Variants in DLGAP2 observed in about 807,000 individuals in gnomAD.
The protein encoded by DLGAP2 is DLG associated protein 2, also known as disks large-associated protein 2.
DLGAP2 carries 26 observed loss-of-function variants against 100.3 expected under a neutral mutation model. The ratio of observed to expected loss-of-function variants is 0.26; its 90% CI spans 0.19 to 0.36. The LOEUF is 0.36. Among genes scored for constraint, DLGAP2 ranks in the 10% least tolerant of loss-of-function variants. The pLI is 1.00. For missense variants in DLGAP2, 1,858 were observed against 1,453.2 expected, an observed-to-expected ratio of 1.28 and a Z score of -4.53; for synonymous variants, 886 against 630.1, an observed-to-expected ratio of 1.41 and a Z score of -6.08.
chr8:1,697,034 C>T (rs1799415609), intron 13 of DLGAP2, 113 bp from the exon 14 acceptor site: 1 of 1,171,782 alleles, frequency 8.5e-7, no homozygotes, highest in East Asian at 2.9e-5. Flanking sequence ...TGGAATTAGC[C>T]AGGCTTCTCC....
At position 1,631,285 on chromosome 8, in the gene DLGAP2, C is replaced by T. The variant is rs535797570; in HGVS notation, c.1591-1542C>T. Among the ~76,000 whole-genome samples, 51 of 152,074 alleles carry T rather than the reference C, an allele frequency of 3.4e-4. No individual in the cohort carries two copies. In the South Asian group the frequency reaches 9.8e-3, roughly 29 times the overall value. On this transcript the variant is annotated intron_variant, in intron 7 of 14. Coordinates refer to ENST00000637795, the MANE Select transcript of DLGAP2 (RefSeq NM_001346810.2). Reference sequence around the variant, plus strand: ...GTTAATGGTGTCTCTTCTTTAGGAGCGAGGGCAGCTGGGCCCTGGGTCGGG... The same window carrying T: ...GTTAATGGTGTCTCTTCTTTAGGAGTGAGGGCAGCTGGGCCCTGGGTCGGG...
chr8:743,192 C>T (rs1035298272), intron 1 of DLGAP2, among the ~76,000 whole-genome samples: 11 of 152,134 alleles, frequency 7.2e-5, no homozygotes, highest in African/African-American at 1.4e-4. Context: ...AATAGAAAAT[C>T]GGAAGAAACA....
chr8:1,557,444 G>A (rs539874888), intron 5 of DLGAP2, among the ~76,000 whole-genome samples: 2 of 152,238 alleles, frequency 1.3e-5, no homozygotes, highest in South Asian at 4.2e-4. Flanking sequence ...GAGGACACAG[G>A]ATGGGGCAGA....
At chr8:966,088 C>T (rs1457082988) in intron 2 of DLGAP2, among the ~76,000 whole-genome samples, 1 of 152,228 alleles carries the variant, frequency 6.6e-6, no homozygotes, top group African/African-American at 2.4e-5. Context: ...GCCAGACTCC[C>T]TGATGAGGTC....
intron 5 of DLGAP2, 79 bp from the exon 6 acceptor site, chr8:1,565,604 G>T (rs1802365474): frequency 8.9e-7 from 1 of 1,121,268 alleles, no homozygotes; most frequent in African/African-American, 1.6e-5. Context: ...AATTGTAGAG[G>T]ATTTGTTTCC....
At chr8:1,088,097 G>A (rs1180031727) in intron 2 of DLGAP2, among the ~76,000 whole-genome samples, 2 of 152,254 alleles carry the variant, frequency 1.3e-5, no homozygotes, top group African/African-American at 4.8e-5. Flanking sequence ...CCCCACAGGG[G>A]ATGTCTGCTT....
intron 2 of DLGAP2, among the ~76,000 whole-genome samples, chr8:1,196,602 T>A (rs1218135956): frequency 6.6e-6 from 1 of 152,238 alleles, no homozygotes; most frequent in African/African-American, 2.4e-5. Flanking sequence ...ACAGCACTTG[T>A]GCAGAGGCAT....
Position 947,112 on chromosome 8 carries a change from C to T in DLGAP2, c.73+39146C>T, listed in dbSNP as rs376619957. Among the ~76,000 whole-genome samples the T allele has an allele frequency of 7.4e-4, 112 of 152,242 alleles. 1 individual carries two copies. In the South Asian group the frequency reaches 0.022, roughly 30 times the overall value. ...GGGATGGCATCCCTGGCTCCGGGTG[C>T]GCCCGCATCTGCCAGGAAGACTGTC... is the stretch of plus-strand genomic sequence containing the variant. On this transcript the variant is annotated intron_variant, in intron 2 of 14. Coordinates refer to ENST00000637795, the MANE Select transcript of DLGAP2 (RefSeq NM_001346810.2).
At chr8:1,115,630 A>C (rs913350317) in intron 2 of DLGAP2, among the ~76,000 whole-genome samples, 1 of 152,184 alleles carries the variant, frequency 6.6e-6, no homozygotes, top group Admixed American at 6.5e-5. Context: ...TCTTGTAGGC[A>C]GTGGTAAAAT....
chr8:1,440,109 G>C (rs1797784269), intron 3 of DLGAP2, among the ~76,000 whole-genome samples: 1 of 152,110 alleles, frequency 6.6e-6, no homozygotes, highest in African/African-American at 2.4e-5. Context: ...AAGCAGAAAT[G>C]TGAGATTTTA....
chr8:1,516,229 G>T (rs1800372827), intron 4 of DLGAP2, among the ~76,000 whole-genome samples: 1 of 152,006 alleles, frequency 6.6e-6, no homozygotes, highest in South Asian at 2.1e-4. Context: ...GTGAGTGAAT[G>T]AGTGAGTTAC....
At position 1,548,989 on chromosome 8, in the gene DLGAP2, C is replaced by G; in HGVS notation, c.536C>G (p.Ala179Gly). 1 of 1,598,894 alleles carries G rather than the reference C, an allele frequency of 6.3e-7. No homozygotes were observed. The highest frequency in any genetic ancestry group is 8.5e-7 in the Non-Finnish European group (1 of 1,179,076). The change falls in exon 5 of 15, where the codon GCC becomes GGC. Residue 179 changes from alanine (A) to glycine (G), a missense_variant. Transcript: ENST00000637795. ...GACACGCGCGACGACTGCGCTGTGG[C>G]CCACGCGGGCGCCAAGATCAACCGC... ...HYDTRDDCAVAHAGAKINRIP... is the reference protein window; with the variant it reads ...HYDTRDDCAVGHAGAKINRIP...
chr8:792,476 G>A (rs373288036), intron 1 of DLGAP2, among the ~76,000 whole-genome samples: 7 of 152,130 alleles, frequency 4.6e-5, no homozygotes, highest in East Asian at 1.9e-4. Context: ...TAATAAAAAC[G>A]GTTCTAATGT....
chr8:1,458,032 A>G (rs949439743), intron 3 of DLGAP2, among the ~76,000 whole-genome samples: 6 of 141,680 alleles, frequency 4.2e-5, no homozygotes, highest in African/African-American at 1.5e-4. Context: ...ATATGTGTGT[A>G]TATATAATTA....
intron 3 of DLGAP2, among the ~76,000 whole-genome samples, chr8:1,417,638 G>A (rs1034767091): frequency 2.0e-5 from 3 of 148,388 alleles, no homozygotes; most frequent in Non-Finnish European, 3.0e-5. Flanking sequence ...CCTCCAGGGG[G>A]GCACGGGGAG....
At chr8:1,349,254 T>C (rs1370010850) in intron 3 of DLGAP2, among the ~76,000 whole-genome samples, 1 of 151,578 alleles carries the variant, frequency 6.6e-6, no homozygotes, top group Non-Finnish European at 1.5e-5. Flanking sequence ...AACTAGGTGT[T>C]TGAGGGGGCA....
chr8:1,552,904 C>T (rs1435647846), intron 5 of DLGAP2, among the ~76,000 whole-genome samples: 2 of 152,192 alleles, frequency 1.3e-5, no homozygotes, highest in Non-Finnish European at 2.9e-5. Context: ...GTTATTCTTT[C>T]ACAAAGCTCT....
At chr8:1,188,233 C>G (rs1797555781) in intron 2 of DLGAP2, among the ~76,000 whole-genome samples, 1 of 138,418 alleles carries the variant, frequency 7.2e-6, no homozygotes, top group Non-Finnish European at 1.5e-5. Flanking sequence ...CCCGGGACTT[C>G]CGTGACGTTT....
At chr8:974,284 C>G (rs963559515) in intron 2 of DLGAP2, among the ~76,000 whole-genome samples, 1 of 152,112 alleles carries the variant, frequency 6.6e-6, no homozygotes, top group Non-Finnish European at 1.5e-5. Context: ...TAAAATGGCT[C>G]ACGTACAGAG....
Sources: allele counts gnomAD v4.1 joint callset (sites outside exome capture counted in the v4.1 genomes callset), GRCh38; gene constraint gnomAD v4.1.1; transcripts MANE v1.5; gene names NCBI Gene and HGNC (gene_info 2026-07-23, HGNC 2026-07-21).